STIM1: variants seen among roughly 807,000 people sequenced by gnomAD.
The protein encoded by STIM1 is stromal interaction molecule 1.
STIM1 carries 25 observed loss-of-function variants against 74.7 expected under a neutral mutation model. The ratio of observed to expected loss-of-function variants is 0.33; its 90% CI spans 0.24 to 0.47. The LOEUF is 0.47. Ranked by LOEUF, STIM1 falls within the 20% of genes least tolerant of loss-of-function variation. The pLI is 1.00. For missense variants in STIM1, 728 were observed against 920.8 expected (o/e 0.79, Z 2.71); for synonymous variants, 328 against 348.8 (o/e 0.94, Z 0.66).
chr11:4,048,221 C>T (rs1351006930), intron 3 of STIM1, among the ~76,000 whole-genome samples: 1 of 152,210 alleles, frequency 6.6e-6, no homozygotes, highest in Non-Finnish European at 1.5e-5. Context: ...CTTCTTGCTG[C>T]TTACAGCAGT....
chr11:3,927,663 C>T (rs1260137470), intron 1 of STIM1, among the ~76,000 whole-genome samples: 1 of 152,056 alleles, frequency 6.6e-6, no homozygotes, highest in African/African-American at 2.4e-5. Flanking sequence ...GCAGCAGGGC[C>T]GGTTATATTA....
At chr11:3,933,889 A>G (rs906669311) in intron 1 of STIM1, among the ~76,000 whole-genome samples, 20 of 152,310 alleles carry the variant, frequency 1.3e-4, no homozygotes, top group African/African-American at 4.6e-4. Context: ...TGAAAAAGGC[A>G]TTGGGGCTTG....
intron 1 of STIM1, chr11:3,892,374 A>G: frequency 2.2e-6 from 3 of 1,356,330 alleles, no homozygotes; most frequent in Non-Finnish European, 3.1e-6. Context: ...GGCTAAGATA[A>G]AACACAAGTC....
At chr11:3,988,795 G>A (rs1207095504) in intron 2 of STIM1, among the ~76,000 whole-genome samples, 2 of 152,124 alleles carry the variant, frequency 1.3e-5, no homozygotes, top group Non-Finnish European at 2.9e-5. Context: ...AAATGTTCAA[G>A]ACATTAAATG....
chr11:3,886,482 A>T (rs2135351735), intron 1 of STIM1, among the ~76,000 whole-genome samples: 1 of 151,890 alleles, frequency 6.6e-6, no homozygotes, highest in South Asian at 2.1e-4. Context: ...AGGTCAGGAG[A>T]TCGAGACCAC....
chr11:3,951,338 CAA>C (rs1413827837), intron 1 of STIM1, among the ~76,000 whole-genome samples: 2 of 152,186 alleles, frequency 1.3e-5, no homozygotes, highest in East Asian at 3.8e-4. Flanking sequence ...CAAGAAAAGA[CAA>C]AGAGGGGCCA....
chr11:3,933,093 T>TACAC (rs2092889818), intron 1 of STIM1, among the ~76,000 whole-genome samples: 1 of 152,226 alleles, frequency 6.6e-6, no homozygotes, highest in Non-Finnish European at 1.5e-5. Context: ...TTGTCTTGAG[T>TACAC]ACACCTAAGG....
Position 3,992,081 on chromosome 11 carries a change from G to GCTTTTTTTTTTTTTTTTTTTTTTTTTT in STIM1, c.270+24399_270+24400insCTTTTTTTTTTTTTTTTTTTTTTTTTT, listed in dbSNP as rs376329167. Among the ~76,000 whole-genome samples, 4 of 91,964 alleles carry GCTTTTTTTTTTTTTTTTTTTTTTTTTT rather than the reference G, an allele frequency of 4.3e-5. 1 individual carries two copies. Among genetic ancestry groups the GCTTTTTTTTTTTTTTTTTTTTTTTTTT allele is most frequent in the African/African-American group, 4.7e-5 (1 of 21,326 alleles). 60.3% of individuals were successfully genotyped at this position (91,964 alleles called of 152,430 possible). ...TTTCTCTGCAGCCTTGCCAACATCTGTTTTTTTGTTTTTTTTTTTTTTTTT... is the reference window on the plus strand; with the variant it reads ...TTTCTCTGCAGCCTTGCCAACATCTGCTTTTTTTTTTTTTTTTTTTTTTTTTTTTTTTTTGTTTTTTTTTTTTTTTTT... On this transcript the variant is annotated intron_variant, in intron 2 of 12. Transcript: ENST00000526596.
intron 5 of STIM1, among the ~76,000 whole-genome samples, chr11:4,069,394 G>T (rs1002798946): frequency 2.6e-5 from 4 of 152,058 alleles, no homozygotes; most frequent in African/African-American, 4.8e-5. Flanking sequence ...TTTCTGGTAG[G>T]TATAATGTCT....
At chr11:3,971,389 C>T (rs1404640913) in intron 2 of STIM1, among the ~76,000 whole-genome samples, 6 of 152,078 alleles carry the variant, frequency 3.9e-5, no homozygotes, top group Admixed American at 2.0e-4. Flanking sequence ...ATTCTCCGGG[C>T]GTGGTGGCGG....
Position 4,082,561 on chromosome 11 carries a change from T to C in STIM1, c.1137+210T>C, listed in dbSNP as rs541954595. On this transcript the variant is annotated intron_variant, in intron 8 of 12. Coordinates refer to ENST00000526596, the MANE Select transcript of STIM1 (RefSeq NM_001382567.1). The stretch of plus-strand genomic sequence containing the variant: ...ATGAGGGTGTAGGGGCATTCCTGCC[T>C]GTCTTCTGGGAAAGATGAAACAAGT... Among the ~76,000 whole-genome samples, 6 of 152,284 alleles carry C rather than the reference T, an allele frequency of 3.9e-5. No homozygotes were observed. In the East Asian group the frequency reaches 9.7e-4, roughly 25 times the overall value.
At chr11:4,064,362 C>G (rs2133131080) in intron 5 of STIM1, among the ~76,000 whole-genome samples, 1 of 152,158 alleles carries the variant, frequency 6.6e-6, no homozygotes, top group African/African-American at 2.4e-5. Flanking sequence ...ACTAAAAATC[C>G]CTATTTCAGT....
chr11:4,018,476 A>AC (rs1468743277), intron 2 of STIM1, among the ~76,000 whole-genome samples: 5 of 147,682 alleles, frequency 3.4e-5, no homozygotes, highest in Admixed American at 6.7e-5. Flanking sequence ...AAAAAAAAAA[A>AC]AAAAAAAAAA....
chr11:3,916,659 C>G (rs1006669367), intron 1 of STIM1, among the ~76,000 whole-genome samples: 17 of 152,046 alleles, frequency 1.1e-4, no homozygotes, highest in Non-Finnish European at 2.1e-4. Flanking sequence ...ACTGTGTTGA[C>G]CAGGCTGGTC....
intron 1 of STIM1, among the ~76,000 whole-genome samples, chr11:3,933,698 G>A (rs10835324): frequency 1.3e-5 from 2 of 151,842 alleles, no homozygotes; most frequent in Admixed American, 6.6e-5. Flanking sequence ...TCTCTTCCCC[G>A]CCGCCCGCCG....
chr11:4,039,744 A>G (rs2094133895), intron 3 of STIM1, among the ~76,000 whole-genome samples: 1 of 152,056 alleles, frequency 6.6e-6, no homozygotes, highest in Non-Finnish European at 1.5e-5. Context: ...TGTACACATA[A>G]ATAAAAATCT....
At chr11:4,073,969 A>G (rs1180932440) in intron 6 of STIM1, among the ~76,000 whole-genome samples, 1 of 152,100 alleles carries the variant, frequency 6.6e-6, no homozygotes, top group Non-Finnish European at 1.5e-5. Context: ...GTCATTTCTC[A>G]GCCATTAGGT....
intron 5 of STIM1, 144 bp downstream of exon 5, chr11:4,059,540 A>G (rs1313571269): frequency 1.5e-6 from 1 of 674,064 alleles, no homozygotes; most frequent in Non-Finnish European, 2.6e-6. Flanking sequence ...TAAGGTATGA[A>G]AGAGTCTTAC....
At chr11:4,009,610 AAATAAT>A (rs138315167) in intron 2 of STIM1, among the ~76,000 whole-genome samples, 3 of 150,262 alleles carry the variant, frequency 2.0e-5, no homozygotes, top group East Asian at 3.9e-4. Context: ...CTCCATCTCA[AAATAAT>A]AATAATAATA....
Sources: gnomAD v4.1 joint callset for allele counts (sites outside exome capture counted in the v4.1 genomes callset) on GRCh38, gnomAD v4.1.1 for gene constraint, MANE v1.5 for transcripts, NCBI Gene and HGNC (gene_info 2026-07-23, HGNC 2026-07-21) for gene names.